The following RANBP2 variants were observed in gnomAD, a reference collection of about 807,000 sequenced individuals.
RANBP2 encodes RAN binding protein 2.
Under a neutral mutation model 303.6 loss-of-function variants are expected in RANBP2, and 57 were observed. The ratio of observed to expected loss-of-function variants is 0.19; its 90% CI spans 0.15 to 0.23. The LOEUF (loss-of-function observed/expected upper bound fraction) is 0.23, where lower values mean the gene tolerates loss of function less well. RANBP2 is among the 10% of genes least tolerant of loss of function. The pLI is 1.00. For synonymous variants in RANBP2, 1,167 were observed against 1,301.5 expected, an observed-to-expected ratio of 0.90 and a Z score of 2.23; for missense variants, 3,138 against 3,780.8, an observed-to-expected ratio of 0.83 and a Z score of 4.46.
At chr2:109,518,765 G>T in the RANBP2 span, among the ~76,000 whole-genome samples, 4,222 of 152,130 alleles carry the variant, frequency 0.028, 217 homozygotes, top group African/African-American at 0.096. Context: ...AAGAAAGGGG[G>T]TTTATTTGGC....
At chr2:109,572,862 G>A in the RANBP2 span, among the ~76,000 whole-genome samples, 1 of 152,000 alleles carries the variant, frequency 6.6e-6, no homozygotes, top group Non-Finnish European at 1.5e-5. Context: ...TGATCCGCCT[G>A]CCTTGGCCTC....
chr2:109,070,774 C>G, the RANBP2 span, among the ~76,000 whole-genome samples: 1 of 151,388 alleles, frequency 6.6e-6, no homozygotes, highest in African/African-American at 2.4e-5. Flanking sequence ...GTGGGAGGAT[C>G]ACTTGAGCCC....
At chr2:108,969,832 G>A in the RANBP2 span, among the ~76,000 whole-genome samples, 1 of 152,200 alleles carries the variant, frequency 6.6e-6, no homozygotes, top group Non-Finnish European at 1.5e-5. Flanking sequence ...AAGGCAGTGT[G>A]CAATGAAGAG....
At chr2:108,794,644 T>C in the RANBP2 span, 12 of 1,614,100 alleles carry the variant, frequency 7.4e-6, no homozygotes, top group Non-Finnish European at 1.0e-5. Flanking sequence ...ATCTAAAGCA[T>C]CAGACAAGCG....
At chr2:109,542,779 A>G in the RANBP2 span, among the ~76,000 whole-genome samples, 1 of 152,270 alleles carries the variant, frequency 6.6e-6, no homozygotes, top group Non-Finnish European at 1.5e-5. Flanking sequence ...CAAAAATAAA[A>G]TTTAAAGTAT....
the RANBP2 span, among the ~76,000 whole-genome samples, chr2:109,476,480 G>A: frequency 6.6e-6 from 1 of 152,216 alleles, no homozygotes; most frequent in Non-Finnish European, 1.5e-5. Flanking sequence ...TTCATACAAG[G>A]AGGTCTAGAA....
At chr2:109,441,130 T>C in the RANBP2 span, among the ~76,000 whole-genome samples, 1 of 43,332 alleles carries the variant, frequency 2.3e-5, no homozygotes, top group Non-Finnish European at 4.7e-5. Flanking sequence ...TTTATAGGAA[T>C]ACAAAAAAAA....
the RANBP2 span, among the ~76,000 whole-genome samples, chr2:109,679,914 G>A: frequency 6.6e-6 from 1 of 152,186 alleles, no homozygotes; most frequent in African/African-American, 2.4e-5. Context: ...GAGACAAGAG[G>A]CAAATCGCCA....
At chr2:109,482,499 G>A in the RANBP2 span, among the ~76,000 whole-genome samples, 211 of 152,296 alleles carry the variant, frequency 1.4e-3, 2 homozygotes, top group Non-Finnish European at 2.4e-4. Context: ...CAGGGAGTCA[G>A]TCTCTTTTGT....
chr2:108,812,685 C>T, the RANBP2 span: 3 of 1,611,906 alleles, frequency 1.9e-6, no homozygotes, highest in Middle Eastern at 3.3e-4. Flanking sequence ...TAAAAGAGTT[C>T]AAGCTCGTTT....
the RANBP2 span, among the ~76,000 whole-genome samples, chr2:108,913,244 C>T: frequency 5.3e-5 from 8 of 152,164 alleles, no homozygotes; most frequent in African/African-American, 1.7e-4. Context: ...CCACCGCGCC[C>T]GGCTGGTTAT....
the RANBP2 span, among the ~76,000 whole-genome samples, chr2:109,309,087 T>A: frequency 8.1e-6 from 1 of 123,448 alleles, no homozygotes; most frequent in Non-Finnish European, 1.6e-5. Context: ...GTTTGTATCC[T>A]CTTTTATTTC....
chr2:109,103,603 C>T, the RANBP2 span, among the ~76,000 whole-genome samples: 2 of 152,028 alleles, frequency 1.3e-5, no homozygotes, highest in Non-Finnish European at 2.9e-5. Context: ...GATAAGGCGG[C>T]GGTTATGGAA....
chr2:109,466,042 T>C, the RANBP2 span, among the ~76,000 whole-genome samples: 3 of 151,960 alleles, frequency 2.0e-5, no homozygotes, highest in African/African-American at 7.3e-5. Flanking sequence ...GCTGAGCATC[T>C]TTTCATATGC....
At chr2:109,473,492 TAAAG>T in the RANBP2 span, among the ~76,000 whole-genome samples, 75 of 152,066 alleles carry the variant, frequency 4.9e-4, 1 homozygote, top group Non-Finnish European at 1.5e-4. Context: ...ATATAGGTGA[TAAAG>T]AAGGCCTGAG....
the RANBP2 span, among the ~76,000 whole-genome samples, chr2:108,974,022 T>C: frequency 2.0e-5 from 3 of 151,914 alleles, no homozygotes; most frequent in Non-Finnish European, 4.4e-5. Flanking sequence ...ATAGAAATAA[T>C]AAGAAAAATA....
chr2:109,037,694 A>G, the RANBP2 span, among the ~76,000 whole-genome samples: 1 of 152,332 alleles, frequency 6.6e-6, no homozygotes, highest in Admixed American at 6.5e-5. Flanking sequence ...TAATAACACA[A>G]TACCATTTAT....
the RANBP2 span, among the ~76,000 whole-genome samples, chr2:109,079,669 C>G: frequency 6.6e-6 from 1 of 152,208 alleles, no homozygotes; most frequent in African/African-American, 2.4e-5. Flanking sequence ...CAGTGCTAAA[C>G]GCTGGAATAT....
chr2:109,471,589 T>C, the RANBP2 span, among the ~76,000 whole-genome samples: 5 of 152,184 alleles, frequency 3.3e-5, no homozygotes, highest in South Asian at 2.1e-4. Flanking sequence ...AAATTCATCA[T>C]TGGAACAGCT....
Sources: gnomAD v4.1 joint callset for allele counts (sites outside exome capture counted in the v4.1 genomes callset) on GRCh38, gnomAD v4.1.1 for gene constraint, MANE v1.5 for transcripts, NCBI Gene and HGNC (gene_info 2026-07-23, HGNC 2026-07-21) for gene names.